The following WDR7 variants were observed in gnomAD, a reference collection of about 807,000 sequenced individuals.
WDR7 encodes WD repeat-containing protein 7.
A neutral mutation model predicts 169.4 loss-of-function variants in WDR7; 46 were observed. The ratio of observed to expected loss-of-function variants is 0.27; its 90% CI spans 0.21 to 0.35. The LOEUF (loss-of-function observed/expected upper bound fraction) is 0.35. WDR7 is among the 10% of genes least tolerant of loss of function. The pLI is 1.00. For missense variants in WDR7, 1,534 were observed against 1,859.3 expected (o/e 0.83, Z 3.22); for synonymous variants, 612 against 666.8 (o/e 0.92, Z 1.27).
chr18:57,017,477 CTGTG>C (rs57440164), intron 26 of WDR7, among the ~76,000 whole-genome samples: 4,073 of 134,708 alleles, frequency 0.03, 63 homozygotes, highest in African/African-American at 0.039. Flanking sequence ...CCAAGTCATG[CTGTG>C]TGTGTGTGTG....
At chr18:56,972,202 TA>T (rs1183198957) in intron 26 of WDR7, among the ~76,000 whole-genome samples, 1 of 152,200 alleles carries the variant, frequency 6.6e-6, no homozygotes, top group African/African-American at 2.4e-5. Flanking sequence ...TATTCAAGTC[TA>T]AACAGAAATG....
At chr18:56,659,311 C>CT in intron 1 of WDR7, among the ~76,000 whole-genome samples, 1 of 152,152 alleles carries the variant, frequency 6.6e-6, no homozygotes, top group Non-Finnish European at 1.5e-5. Flanking sequence ...TCGGGATATA[C>CT]TTTAATTTGC....
In WDR7 at chr18:57,023,486, G is replaced by T. The variant is rs542973180; in HGVS notation, c.4269+2637G>T. 1.0e-3 allele frequency among the ~76,000 whole-genome samples: 152 copies of T among 152,296 alleles called. No individual in the cohort carries two copies. In the Middle Eastern group the frequency reaches 0.024, roughly 24 times the overall value. On this transcript the variant is annotated intron_variant, in intron 27 of 27. Coordinates refer to ENST00000254442, the MANE Select transcript of WDR7 (RefSeq NM_015285.3). The stretch of plus-strand genomic sequence containing the variant: ...CTGTGTGCAGCATTACTTACATTGG[G>T]AATAGCATTAAAACATTTCCTGTTG...
At chr18:56,768,464 A>G (rs1045347155) in intron 16 of WDR7, among the ~76,000 whole-genome samples, 3 of 152,182 alleles carry the variant, frequency 2.0e-5, no homozygotes, top group Admixed American at 6.5e-5. Context: ...CAAAAATATT[A>G]AGTTATTTTT....
intron 20 of WDR7, among the ~76,000 whole-genome samples, chr18:56,863,332 T>C (rs2045835545): frequency 6.6e-6 from 1 of 151,772 alleles, no homozygotes; most frequent in Non-Finnish European, 1.5e-5. Flanking sequence ...TTAGGAAATA[T>C]GTTACAAATA....
At chr18:56,918,745 A>T (rs2046667252) in intron 21 of WDR7, among the ~76,000 whole-genome samples, 1 of 152,158 alleles carries the variant, frequency 6.6e-6, no homozygotes, top group Non-Finnish European at 1.5e-5. Context: ...TTTGTAGCAG[A>T]CTCTTAGAAA....
chr18:56,668,671 G>T (rs1163719696), intron 1 of WDR7, among the ~76,000 whole-genome samples: 1 of 152,116 alleles, frequency 6.6e-6, no homozygotes, highest in Non-Finnish European at 1.5e-5. Context: ...GATGGAAGTT[G>T]GTAGTATTAT....
At chr18:56,751,307 C>T (rs2043787383) in intron 14 of WDR7, among the ~76,000 whole-genome samples, 1 of 152,152 alleles carries the variant, frequency 6.6e-6, no homozygotes, top group Non-Finnish European at 1.5e-5. Context: ...GGGGTTGACA[C>T]CAGGTGAGAG....
chr18:56,699,877 C>T, intron 12 of WDR7: 1 of 985,356 alleles, frequency 1.0e-6, no homozygotes, highest in Non-Finnish European at 1.2e-6. Flanking sequence ...TGAAGACAGA[C>T]TCCAGACCCC....
intron 14 of WDR7, among the ~76,000 whole-genome samples, chr18:56,733,317 C>CT (rs1323921430): frequency 6.6e-6 from 1 of 152,092 alleles, no homozygotes; most frequent in Non-Finnish European, 1.5e-5. Context: ...AGGGATTTCT[C>CT]TAACTATTTT....
chr18:56,699,718 G>A (rs552170170), intron 12 of WDR7: 24 of 589,510 alleles, frequency 4.1e-5, no homozygotes, highest in African/African-American at 3.8e-4. Flanking sequence ...CACACTTCAC[G>A]TTTCCTAAAA....
rs188429077 is a variant in WDR7, at chr18:56,915,895, C to A, written c.3527-8027C>A. Among the ~76,000 whole-genome samples the A allele has an allele frequency of 2.2e-4, 33 of 152,302 alleles. 1 individual carries two copies. In the East Asian group the frequency reaches 6.4e-3, roughly 29 times the overall value. ...AGTTCCCTTGCCTCTAGCGAGGGAC[C>A]CTTTGTCATGGAGGAGTTCTCCCCT... is the stretch of plus-strand genomic sequence containing the variant. On this transcript the variant is annotated intron_variant, in intron 21 of 27. Transcript: ENST00000254442.
At chr18:56,727,778 T>C (rs994243744) in intron 13 of WDR7, among the ~76,000 whole-genome samples, 1 of 152,194 alleles carries the variant, frequency 6.6e-6, no homozygotes, top group Admixed American at 6.5e-5. Context: ...TATGTGCAAA[T>C]GTTTTGACCC....
In WDR7 at chr18:56,831,182, CA is replaced by C. The variant is rs1055211944; in HGVS notation, c.3304+15041del. Reference sequence around the variant, plus strand: ...GAGTGAAAGAGTTTTCAGAAAGAGTCAAATCCTGGGAGGGAGAGAGAGCAAG... The same window carrying C: ...GAGTGAAAGAGTTTTCAGAAAGAGTCAATCCTGGGAGGGAGAGAGAGCAAG... On this transcript the variant is annotated intron_variant, in intron 20 of 27. Transcript: ENST00000254442. Among the ~76,000 whole-genome samples the C allele has an allele frequency of 5.1e-4, 78 of 152,036 alleles. 2 individuals are homozygous for C. The highest frequency in any genetic ancestry group is 1.8e-4 in the Non-Finnish European group (12 of 68,020).
At chr18:56,916,754 G>C (rs1378987527) in intron 21 of WDR7, among the ~76,000 whole-genome samples, 2 of 152,130 alleles carry the variant, frequency 1.3e-5, no homozygotes, top group South Asian at 4.1e-4. Context: ...CTGTTTGTGT[G>C]TATGTGTGTA....
At chr18:56,925,497 G>A (rs946056461) in intron 22 of WDR7, among the ~76,000 whole-genome samples, 1 of 152,012 alleles carries the variant, frequency 6.6e-6, no homozygotes, top group Non-Finnish European at 1.5e-5. Context: ...GTCCCATAAT[G>A]CCTCCCTTAA....
chr18:56,938,630 T>C lies in WDR7; in HGVS notation c.3929T>C (p.Ile1310Thr), dbSNP rs760852315. 3 of 1,613,528 alleles carry C rather than the reference T, an allele frequency of 1.9e-6. No individual in the cohort carries two copies. The highest frequency in any genetic ancestry group is 2.5e-6 in the Non-Finnish European group (3 of 1,179,876). ...ARAKGEILRV[I>T]EILIEKMPTD... ...GCTAAAGGGGAAATTTTGAGAGTCATTGAAATTCTTATTGAAAAGATGCCC... is the reference window on the plus strand; with the variant it reads ...GCTAAAGGGGAAATTTTGAGAGTCACTGAAATTCTTATTGAAAAGATGCCC... The change falls in exon 24 of 28, where the codon ATT becomes ACT. Residue 1310 changes from isoleucine to threonine, a missense_variant. Physicochemically the swap from Ile to Thr is moderately conservative, Grantham distance 89. Coordinates refer to ENST00000254442, the MANE Select transcript of WDR7 (RefSeq NM_015285.3).
chr18:56,973,492 G>T (rs1423839079), intron 26 of WDR7, among the ~76,000 whole-genome samples: 4 of 151,838 alleles, frequency 2.6e-5, no homozygotes, highest in Non-Finnish European at 2.9e-5. Flanking sequence ...CATATTGTGT[G>T]TGGGGGGGGT....
intron 14 of WDR7, among the ~76,000 whole-genome samples, chr18:56,746,730 A>G (rs80060325): frequency 0.033 from 4,955 of 152,322 alleles, 269 homozygotes; most frequent in African/African-American, 0.11. Context: ...GTAAGCAGGT[A>G]GATGTATTTG....
Sources: gnomAD v4.1 joint callset for allele counts (sites outside exome capture counted in the v4.1 genomes callset) on GRCh38, gnomAD v4.1.1 for gene constraint, MANE v1.5 for transcripts, NCBI Gene and HGNC (gene_info 2026-07-23, HGNC 2026-07-21) for gene names.